ARHGAP42: variants seen among roughly 807,000 people sequenced by gnomAD.
The protein encoded by ARHGAP42 is rho GTPase-activating protein 42.
Under a neutral mutation model 125.0 loss-of-function variants are expected in ARHGAP42, and 63 were observed. That is an observed-to-expected ratio of 0.50 (90% confidence interval 0.41 to 0.62). The LOEUF is 0.62. ARHGAP42 is among the 20% of genes least tolerant of loss of function. The pLI is 0.00. For synonymous variants in ARHGAP42, 339 were observed against 351.0 expected (o/e 0.97, Z 0.38); for missense variants, 766 against 1,024.2 (o/e 0.75, Z 3.44).
chr11:100,940,317 G>A (rs775777238), intron 8 of ARHGAP42, among the ~76,000 whole-genome samples: 1 of 152,118 alleles, frequency 6.6e-6, no homozygotes, highest in Non-Finnish European at 1.5e-5. Flanking sequence ...AAAAACATGT[G>A]CATAGTAGCT....
At chr11:100,820,374 T>A (rs1864376187) in intron 3 of ARHGAP42, among the ~76,000 whole-genome samples, 1 of 152,162 alleles carries the variant, frequency 6.6e-6, no homozygotes, top group Non-Finnish European at 1.5e-5. Context: ...TGATGTCAGT[T>A]GCAGAACATT....
chr11:100,975,915 C>A (rs576176169), intron 19 of ARHGAP42, 142 bp from the exon 20 acceptor site: 23 of 827,000 alleles, frequency 2.8e-5, no homozygotes, highest in Non-Finnish European at 2.8e-5. Flanking sequence ...GACAGTTCTC[C>A]GTACTAGGTA....
At chr11:100,746,472 G>A (rs1052964604) in intron 1 of ARHGAP42, among the ~76,000 whole-genome samples, 10 of 152,346 alleles carry the variant, frequency 6.6e-5, no homozygotes, top group South Asian at 2.1e-4. Flanking sequence ...CCGGCCCACC[G>A]TGCACACAAG....
At chr11:100,837,582 A>T (rs1864821872) in intron 3 of ARHGAP42, among the ~76,000 whole-genome samples, 1 of 151,130 alleles carries the variant, frequency 6.6e-6, no homozygotes, top group South Asian at 2.1e-4. Context: ...ATGGATAAGC[A>T]TAATGAAGGC....
intron 2 of ARHGAP42, among the ~76,000 whole-genome samples, chr11:100,793,336 CTGTTG>C (rs1331582316): frequency 6.6e-6 from 1 of 152,170 alleles, no homozygotes; most frequent in Non-Finnish European, 1.5e-5. Context: ...GTTCAACTAA[CTGTTG>C]TCAAAATGGG....
At chr11:100,701,466 T>C (rs1401629942) in intron 1 of ARHGAP42, among the ~76,000 whole-genome samples, 1 of 152,254 alleles carries the variant, frequency 6.6e-6, no homozygotes, top group Non-Finnish European at 1.5e-5. Flanking sequence ...ATTGAAAGTC[T>C]CTTGTTTATT....
At chr11:100,961,071 G>T (rs1661779000) in intron 14 of ARHGAP42, 82 bp downstream of exon 14, 1 of 846,636 alleles carries the variant, frequency 1.2e-6, no homozygotes, top group Non-Finnish European at 1.7e-6. Context: ...ACTAGTGCTT[G>T]TCTTTGAATA....
intron 8 of ARHGAP42, among the ~76,000 whole-genome samples, chr11:100,937,142 C>G (rs1386978954): frequency 2.6e-5 from 4 of 152,180 alleles, no homozygotes; most frequent in African/African-American, 9.7e-5. Context: ...TTTGATCCAG[C>G]AGACTCTGCA....
intron 4 of ARHGAP42, 146 bp downstream of exon 4, chr11:100,859,771 A>T: frequency 3.7e-6 from 2 of 544,568 alleles, no homozygotes; most frequent in Non-Finnish European, 6.2e-6. Context: ...GACTTAACAA[A>T]GACTGGACTT....
At position 100,992,226 on chromosome 11, in the gene ARHGAP42, GACTAAA is replaced by G. The variant is rs1858848891; in HGVS notation, c.*3426_*3431del. ...AGAACCCCAACTAGACTTATACTTTGACTAAAGTCAGAGGCAGACCAATTTAGGGAA... is the reference window on the plus strand; with the variant it reads ...AGAACCCCAACTAGACTTATACTTTGGTCAGAGGCAGACCAATTTAGGGAA... On this transcript the variant is annotated 3_prime_UTR_variant, in exon 24 of 24. Coordinates refer to ENST00000298815, the MANE Select transcript of ARHGAP42 (RefSeq NM_152432.4). The G allele has an allele frequency of 1.4e-6, 2 of 1,458,228 alleles. No homozygotes were observed. The highest frequency in any genetic ancestry group is 4.6e-5 in the East Asian group (2 of 43,206). 90.3% of individuals were successfully genotyped at this position (1,458,228 alleles called of 1,614,324 possible).
chr11:100,956,925 T>C (rs1040538903), intron 12 of ARHGAP42, among the ~76,000 whole-genome samples: 1 of 152,106 alleles, frequency 6.6e-6, no homozygotes, highest in African/African-American at 2.4e-5. Context: ...GCCCCAGTGA[T>C]TTTAGCCCTG....
At chr11:100,854,494 G>C (rs918945913) in intron 3 of ARHGAP42, among the ~76,000 whole-genome samples, 3 of 152,122 alleles carry the variant, frequency 2.0e-5, no homozygotes, top group Non-Finnish European at 4.4e-5. Context: ...TTTGTTTTTA[G>C]ATGACAATAT....
intron 3 of ARHGAP42, among the ~76,000 whole-genome samples, chr11:100,840,274 G>A (rs994196769): frequency 1.3e-5 from 2 of 152,074 alleles, no homozygotes; most frequent in African/African-American, 2.4e-5. Flanking sequence ...ACCCAAGGTC[G>A]CTGCGACACT....
chr11:100,986,598 C>A (rs1397631906), intron 22 of ARHGAP42, among the ~76,000 whole-genome samples: 1 of 152,102 alleles, frequency 6.6e-6, no homozygotes, highest in African/African-American at 2.4e-5. Context: ...AATAGAGGTT[C>A]TAGGAAGCCA....
intron 1 of ARHGAP42, among the ~76,000 whole-genome samples, chr11:100,751,457 C>CTT (rs1181105376): frequency 6.7e-6 from 1 of 149,892 alleles, no homozygotes; most frequent in African/African-American, 2.4e-5. Context: ...CTAATTTATA[C>CTT]TTTTTTATTT....
intron 1 of ARHGAP42, among the ~76,000 whole-genome samples, chr11:100,720,599 G>A (rs767100436): frequency 1.3e-4 from 20 of 151,700 alleles, no homozygotes; most frequent in African/African-American, 1.9e-4. Flanking sequence ...TTTTGAAAAC[G>A]AAAACACCAC....
chr11:100,713,196 G>A (rs981720548), intron 1 of ARHGAP42, among the ~76,000 whole-genome samples: 1 of 152,154 alleles, frequency 6.6e-6, no homozygotes, highest in African/African-American at 2.4e-5. Flanking sequence ...AACCTATAGT[G>A]AGTTTAATAT....
intron 22 of ARHGAP42, 145 bp from the exon 23 acceptor site, chr11:100,987,368 C>T (rs1858708752): frequency 1.6e-6 from 1 of 634,424 alleles, no homozygotes; most frequent in Non-Finnish European, 2.8e-6. Context: ...GTGCAAAAAG[C>T]ACCGATGTAC....
chr11:100,951,219 T>G (rs993762603), intron 12 of ARHGAP42, among the ~76,000 whole-genome samples: 1 of 152,060 alleles, frequency 6.6e-6, no homozygotes, highest in Admixed American at 6.6e-5. Context: ...TTAAATAACA[T>G]AATTTAAAAA....
Sources: gnomAD v4.1 joint callset for allele counts (sites outside exome capture counted in the v4.1 genomes callset) on GRCh38, gnomAD v4.1.1 for gene constraint, MANE v1.5 for transcripts, NCBI Gene and HGNC (gene_info 2026-07-23, HGNC 2026-07-21) for gene names.